Variants in BLK observed in about 807,000 individuals in gnomAD.
BLK encodes the protein BLK proto-oncogene, Src family tyrosine kinase, also known as tyrosine-protein kinase Blk.
A neutral mutation model predicts 61.8 loss-of-function variants in BLK; 64 were observed. That is an observed-to-expected ratio of 1.03 (90% CI 0.85 to 1.27). BLK has a LOEUF of 1.27. BLK is among the 50% of genes most tolerant of loss of function. The probability of loss-of-function intolerance (pLI) is 0.00; values close to 1 mark genes in which losing one functional copy is unlikely to be tolerated. For synonymous variants in BLK, 351 were observed against 272.0 expected (o/e 1.29, Z -2.86); for missense variants, 853 against 660.5 (o/e 1.29, Z -3.19).
At chr8:11,561,121 G>A (rs912831088) in intron 10 of BLK, 181 bp from the exon 11 acceptor site, 1 of 886,986 alleles carries the variant, frequency 1.1e-6, no homozygotes. Context: ...CTGCGTTGCT[G>A]TTCTGGGCTT....
Position 11,561,427 on chromosome 8 carries a change from C to T in BLK, c.1155C>T (p.Ile385=), listed in dbSNP as rs770398225. 2.5e-6 allele frequency: 4 copies of T among 1,613,992 alleles called. No homozygotes were observed. Among genetic ancestry groups the T allele is most frequent in the Middle Eastern group, 1.6e-4 (1 of 6,062 alleles). ...KIADFGLARI[I]DSEYTAQEGA... ...CTGATTTTGGCTTGGCTCGAATCAT[C>T]GACAGTGAATACACGGCCCAAGAGG... The change falls in exon 11 of 13, where the codon ATC becomes ATT. Residue 385 remains isoleucine (I), a synonymous_variant. Coordinates refer to ENST00000259089, the MANE Select transcript of BLK (RefSeq NM_001715.3).
chr8:11,517,318 G>A (rs887039139), intron 1 of BLK, among the ~76,000 whole-genome samples: 3 of 152,322 alleles, frequency 2.0e-5, no homozygotes, highest in Middle Eastern at 3.4e-3. Flanking sequence ...GCATGAGGAA[G>A]AGAAGATGGA....
At position 11,556,787 on chromosome 8, in the gene BLK, C is replaced by T; in HGVS notation, c.902C>T (p.Ala301Val). 6.2e-7 allele frequency: 1 copy of T among 1,614,224 alleles called. No individual in the cohort carries two copies. Among genetic ancestry groups the T allele is most frequent in the Non-Finnish European group, 8.5e-7 (1 of 1,180,042 alleles). ...CACGAGCGGCTGGTCCGACTCTACG[C>T]AGTGGTCACCAAGGAGCCCATCTAC... ...LQHERLVRLY[A>V]VVTKEPIYIV... The change falls in exon 9 of 13, where the codon GCA (alanine) becomes GTA (valine). Residue 301 changes from alanine to valine, a missense_variant. Physicochemically the swap from Ala to Val is moderately conservative, Grantham distance 64. Transcript: ENST00000259089.
At chr8:11,542,227 T>G (rs968069149) in intron 1 of BLK, among the ~76,000 whole-genome samples, 1 of 152,238 alleles carries the variant, frequency 6.6e-6, no homozygotes, top group Admixed American at 6.5e-5. Context: ...CTAGTTATAC[T>G]GCAAAGCATC....
chr8:11,516,722 T>A (rs942197039), intron 1 of BLK, among the ~76,000 whole-genome samples: 2 of 152,230 alleles, frequency 1.3e-5, no homozygotes, highest in Non-Finnish European at 2.9e-5. Context: ...CTTAGCACAA[T>A]GCCTTCAAGG....
intron 1 of BLK, chr8:11,509,413 C>T (rs1798910077): frequency 1.3e-5 from 2 of 152,148 alleles, no homozygotes; most frequent in Non-Finnish European, 2.9e-5. Context: ...AATCAGAGGC[C>T]CACGTGGATT....
intron 1 of BLK, among the ~76,000 whole-genome samples, chr8:11,536,014 G>A (rs992577949): frequency 1.3e-5 from 2 of 152,320 alleles, no homozygotes; most frequent in South Asian, 2.1e-4. Context: ...AGTTATATAC[G>A]AACCTTGTTT....
rs142470437 is a variant in BLK, at chr8:11,561,055, G to A, written c.1030-247G>A. 4.6e-4 allele frequency: 306 copies of A among 667,628 alleles called. No homozygotes were observed. In the Middle Eastern group the frequency reaches 0.011, roughly 24 times the overall value. The allele number at this position is 667,628 out of a possible 1,614,324, so 41.4% of individuals were successfully genotyped here. ...ACCCTTGGACACAGCTGTGTGGAGC[G>A]AGAACGAGGAGGGGGAGGGGCACAG... On this transcript the variant is annotated intron_variant, in intron 10 of 12. Transcript: ENST00000259089.
In BLK at chr8:11,541,956, G is replaced by A. The variant is rs148712763; in HGVS notation, c.-1-1268G>A. 7.4e-3 allele frequency among the ~76,000 whole-genome samples: 1,130 copies of A among 152,300 alleles called. 12 individuals carry two copies. The highest frequency in any genetic ancestry group is 0.025 in the African/African-American group (1,055 of 41,550). ...AAAAAGTGTTGGTCTTTAAAACTGTGAATTATTATGTGTTCTGTATGTAAG... is the reference window on the plus strand; with the variant it reads ...AAAAAGTGTTGGTCTTTAAAACTGTAAATTATTATGTGTTCTGTATGTAAG... On this transcript the variant is annotated intron_variant, in intron 1 of 12. Transcript: ENST00000259089.
intron 11 of BLK, 87 bp downstream of exon 11, chr8:11,561,539 C>T (rs1044662933): frequency 2.6e-6 from 4 of 1,522,816 alleles, no homozygotes; most frequent in Non-Finnish European, 3.6e-6. Context: ...CCCAGCACAG[C>T]CCTGAGGGAA....
At chr8:11,548,401 C>T (rs762754600) in intron 4 of BLK, among the ~76,000 whole-genome samples, 2 of 152,242 alleles carry the variant, frequency 1.3e-5, no homozygotes, top group Non-Finnish European at 2.9e-5. Flanking sequence ...CTCTTTTGGG[C>T]ATGTGGACCT....
Position 11,550,170 on chromosome 8 carries a change from G to T in BLK, c.380G>T (p.Arg127Ile), listed in dbSNP as rs1800836506. 6.2e-7 allele frequency: 1 copy of T among 1,613,740 alleles called. No individual in the cohort carries two copies. Among genetic ancestry groups the T allele is most frequent in the Admixed American group, 1.7e-5 (1 of 60,000 alleles). Residue 127 changes from arginine (R) to isoleucine (I), a missense_variant, in exon 6 of 13, where the codon AGA (arginine) becomes ATA (isoleucine). Transcript: ENST00000259089. ...CTGCCGTTTTCCAGGTGGTTCTTTA[G>T]ATCACAGGGTCGGAAGGAGGCTGAG... Reference protein sequence around the residue: ...ESLEMERWFFRSQGRKEAERQ... With the variant: ...ESLEMERWFFISQGRKEAERQ...
intron 1 of BLK, among the ~76,000 whole-genome samples, chr8:11,501,676 C>G (rs1055732156): frequency 6.6e-5 from 10 of 152,208 alleles, no homozygotes; most frequent in Middle Eastern, 3.2e-3. Flanking sequence ...GTGATTGAGT[C>G]TCATAGAAAG....
chr8:11,522,111 T>G (rs1799475223), intron 1 of BLK, among the ~76,000 whole-genome samples: 1 of 152,184 alleles, frequency 6.6e-6, no homozygotes, highest in South Asian at 2.1e-4. Context: ...AGTTTACGTC[T>G]CCATACAAGT....
Position 11,546,088 on chromosome 8 carries a change from G to A in BLK, c.160G>A (p.Glu54Lys). 1 of 1,614,184 alleles carries A rather than the reference G, an allele frequency of 6.2e-7. No individual in the cohort carries two copies. The highest frequency in any genetic ancestry group is 1.1e-5 in the South Asian group (1 of 91,082). The stretch of plus-strand genomic sequence containing the variant: ...CCACCTTACTCCTCCACCGCCCGAT[G>A]AACACCTGGATGAAGGTAAGAAGGG... ...FNHLTPPPPD[E>K]HLDEDKHFVV... The change falls in exon 3 of 13, where the codon GAA (glutamate) becomes AAA (lysine). Residue 54 changes from glutamate to lysine, a missense_variant. Glu to Lys is a moderately conservative substitution (Grantham distance 56, BLOSUM62 1). Transcript: ENST00000259089.
intron 1 of BLK, among the ~76,000 whole-genome samples, chr8:11,527,100 A>C (rs1799688369): frequency 2.0e-5 from 3 of 152,180 alleles, no homozygotes; most frequent in Admixed American, 1.3e-4. Context: ...CATGCTCGCA[A>C]GGGGTCTTTC....
intron 1 of BLK, among the ~76,000 whole-genome samples, chr8:11,518,864 C>T (rs938258787): frequency 6.6e-6 from 1 of 152,156 alleles, no homozygotes; most frequent in Non-Finnish European, 1.5e-5. Flanking sequence ...CTTTTAGAGC[C>T]GTCTCTCTGC....
At chr8:11,546,003 C>T in intron 2 of BLK, 49 bp from the exon 3 acceptor site, 5 of 1,598,678 alleles carry the variant, frequency 3.1e-6, no homozygotes, top group Non-Finnish European at 3.4e-6. Flanking sequence ...CCAGGCCCCA[C>T]CCACGCAGCA....
At chr8:11,533,226 G>C (rs1454492657) in intron 1 of BLK, among the ~76,000 whole-genome samples, 1 of 152,130 alleles carries the variant, frequency 6.6e-6, no homozygotes, top group African/African-American at 2.4e-5. Flanking sequence ...CATGTTAAAG[G>C]CCTGAGACCT....
Sources: allele counts gnomAD v4.1 joint callset (sites outside exome capture counted in the v4.1 genomes callset), GRCh38; gene constraint gnomAD v4.1.1; transcripts MANE v1.5; gene names NCBI Gene and HGNC (gene_info 2026-07-23, HGNC 2026-07-21).